ATAD1: variants seen among roughly 807,000 people sequenced by gnomAD.
The protein encoded by ATAD1 is outer mitochondrial transmembrane helix translocase.
In ATAD1, 18 loss-of-function variants were observed where a neutral mutation model predicts 42.7. The observed-to-expected ratio is 0.42, with a 90% CI of 0.29 to 0.63. The LOEUF is 0.63. Ranked by LOEUF, ATAD1 falls within the 20% of genes least tolerant of loss-of-function variation. The probability of loss-of-function intolerance (pLI) is 0.19; values close to 1 mark genes in which losing one functional copy is unlikely to be tolerated. For synonymous variants in ATAD1, 132 were observed against 143.1 expected (o/e 0.92, Z 0.55); for missense variants, 294 against 440.4 (o/e 0.67, Z 2.98).
chr10:87,806,531 T>C (rs1856933079), intron 2 of ATAD1, among the ~76,000 whole-genome samples: 2 of 152,184 alleles, frequency 1.3e-5, no homozygotes, highest in South Asian at 2.1e-4. Flanking sequence ...CTTAACCATA[T>C]GTTTGATTCC....
At chr10:87,812,886 C>T (rs1857251495) in intron 2 of ATAD1, among the ~76,000 whole-genome samples, 1 of 152,148 alleles carries the variant, frequency 6.6e-6, no homozygotes, top group Non-Finnish European at 1.5e-5. Context: ...AAGCCATCTT[C>T]AACTACCACA....
intron 7 of ATAD1, among the ~76,000 whole-genome samples, chr10:87,770,285 T>G (rs1424025203): frequency 6.6e-6 from 1 of 152,228 alleles, no homozygotes; most frequent in Non-Finnish European, 1.5e-5. Flanking sequence ...TATTTTCTAC[T>G]AGTAAAACCT....
rs116070328 is a variant in ATAD1, at chr10:87,785,729, T to A, written c.383-1059A>T. On this transcript the variant is annotated intron_variant, in intron 4 of 9. Transcript: ENST00000680024. Reference sequence around the variant, plus strand: ...GAAAATTCCCAAAAATATCTCAATTTAAAAAAAAAAAGAAATCTGCACCTG... The same window carrying A: ...GAAAATTCCCAAAAATATCTCAATTAAAAAAAAAAAAGAAATCTGCACCTG... Among the ~76,000 whole-genome samples, 882 of 145,378 alleles carry A rather than the reference T, an allele frequency of 6.1e-3. 7 individuals carry two copies. The highest frequency in any genetic ancestry group is 0.021 in the African/African-American group (843 of 39,884).
At position 87,753,362 on chromosome 10, in the gene ATAD1, A is replaced by G. The variant is rs1316729192; in HGVS notation, c.*1325T>C. 1 of 152,194 alleles carries G rather than the reference A, an allele frequency of 6.6e-6. No homozygotes were observed. The highest frequency in any genetic ancestry group is 1.5e-5 in the Non-Finnish European group (1 of 68,026). The allele number at this position is 152,194 out of a possible 1,614,324, so 9.4% of individuals were successfully genotyped here. A position where few individuals can be genotyped will look rare whatever the true frequency, so the allele number is the denominator to read the frequency against. On this transcript the variant is annotated 3_prime_UTR_variant, in exon 10 of 10. Coordinates refer to ENST00000680024, the MANE Select transcript of ATAD1 (RefSeq NM_001321967.2). ...CATTATCAGATAAATTAATCCAGTG[A>G]CACATGAATAAAGATTTAGAGTTTT...
chr10:87,811,947 TG>T (rs1857204077), intron 2 of ATAD1, among the ~76,000 whole-genome samples: 1 of 152,240 alleles, frequency 6.6e-6, no homozygotes, highest in African/African-American at 2.4e-5. Flanking sequence ...TATAAGTCTT[TG>T]AGGTATCCAG....
At position 87,752,692 on chromosome 10, in the gene ATAD1, A is replaced by G. The variant is rs1377308424; in HGVS notation, c.*1995T>C. 1.3e-5 allele frequency: 2 copies of G among 152,202 alleles called. No homozygotes were observed. The highest frequency in any genetic ancestry group is 2.9e-5 in the Non-Finnish European group (2 of 68,028). 9.4% of individuals were successfully genotyped at this position (152,202 alleles called of 1,614,324 possible). A position where few individuals can be genotyped will look rare whatever the true frequency, so the allele number is the denominator to read the frequency against. On this transcript the variant is annotated 3_prime_UTR_variant, in exon 10 of 10. Coordinates refer to ENST00000680024, the MANE Select transcript of ATAD1 (RefSeq NM_001321967.2). ...TCTAAAACAGAAGGATAGATGTTAC[A>G]TAACACTAAAAGTTATTTAAAAATC...
Position 87,814,757 on chromosome 10 carries a change from T to G in ATAD1, c.-13-145A>C, listed in dbSNP as rs1206425850. On this transcript the variant is annotated intron_variant, in intron 1 of 9. Coordinates refer to ENST00000680024, the MANE Select transcript of ATAD1 (RefSeq NM_001321967.2). ...CTACCTTAAAAAAAGTGTTTCATTT[T>G]AAGGAGAAATGGATTTTTAAATGTT... 6 of 558,104 alleles carry G rather than the reference T, an allele frequency of 1.1e-5. No individual in the cohort carries two copies. In the Admixed American group the frequency reaches 2.2e-4, roughly 20 times the overall value. The allele number at this position is 558,104 out of a possible 1,614,324, so 34.6% of individuals were successfully genotyped here.
intron 6 of ATAD1, among the ~76,000 whole-genome samples, chr10:87,771,575 T>C (rs1855032394): frequency 6.6e-6 from 1 of 152,160 alleles, no homozygotes; most frequent in Non-Finnish European, 1.5e-5. Context: ...CTCATGGTAC[T>C]ATCAGCACTG....
chr10:87,802,240 A>T (rs1247810177), intron 2 of ATAD1, among the ~76,000 whole-genome samples: 1 of 152,154 alleles, frequency 6.6e-6, no homozygotes, highest in African/African-American at 2.4e-5. Flanking sequence ...AAGGAATCAA[A>T]CTTGACTTAC....
chr10:87,780,008 G>T (rs569304413), intron 5 of ATAD1, among the ~76,000 whole-genome samples: 3 of 152,122 alleles, frequency 2.0e-5, no homozygotes, highest in Non-Finnish European at 2.9e-5. Flanking sequence ...TGTGTCCACA[G>T]GAAAACCTAC....
At chr10:87,775,318 G>A (rs894274022) in intron 6 of ATAD1, among the ~76,000 whole-genome samples, 3 of 150,520 alleles carry the variant, frequency 2.0e-5, no homozygotes, top group Non-Finnish European at 3.0e-5. Flanking sequence ...CTACTTGGGA[G>A]GCTGAAGCAG....
chr10:87,825,260 G>A (rs1857703760), intron 1 of ATAD1, among the ~76,000 whole-genome samples: 1 of 151,272 alleles, frequency 6.6e-6, no homozygotes, highest in Non-Finnish European at 1.5e-5. Context: ...CTTGAGATTT[G>A]AGAAGTCAAT....
intron 1 of ATAD1, among the ~76,000 whole-genome samples, chr10:87,826,600 C>T (rs1198967682): frequency 1.3e-5 from 2 of 152,206 alleles, no homozygotes; most frequent in Non-Finnish European, 2.9e-5. Context: ...TCTTGAACCT[C>T]TGGCTGGACC....
At chr10:87,822,291 A>G (rs927972492), upstream of ATAD1, among the ~76,000 whole-genome samples, 4 of 152,238 alleles carry the variant, frequency 2.6e-5, no homozygotes, top group Non-Finnish European at 4.4e-5. Flanking sequence ...TTTTTAAATC[A>G]TGTCTTCTGA....
chr10:87,787,771 A>C (rs1855906944), intron 4 of ATAD1, among the ~76,000 whole-genome samples: 1 of 152,236 alleles, frequency 6.6e-6, no homozygotes, highest in African/African-American at 2.4e-5. Context: ...GCAAAAATAC[A>C]CATCTATATA....
chr10:87,792,622 C>CAAAAAAAAAA, intron 3 of ATAD1, 35 bp downstream of exon 3: 3 of 1,355,194 alleles, frequency 2.2e-6, no homozygotes, highest in East Asian at 2.4e-5. Context: ...ACCCCCACCT[C>CAAAAAAAAAA]TAAAAAAATC....
chr10:87,801,254 T>C (rs1186032705), intron 2 of ATAD1, among the ~76,000 whole-genome samples: 4 of 152,220 alleles, frequency 2.6e-5, no homozygotes, highest in African/African-American at 9.6e-5. Context: ...ATGACTTATT[T>C]TACAATGACC....
chr10:87,805,331 T>C (rs12775017), intron 2 of ATAD1, among the ~76,000 whole-genome samples: 44,962 of 152,068 alleles, frequency 0.3, 6,873 homozygotes, highest in Non-Finnish European at 0.31. Flanking sequence ...GTCATTACTT[T>C]AATGATGTGC....
At chr10:87,791,900 C>T (rs1215191634) in intron 3 of ATAD1, among the ~76,000 whole-genome samples, 2 of 152,078 alleles carry the variant, frequency 1.3e-5, no homozygotes. Flanking sequence ...AATCATTTGC[C>T]AAGGCCATTA....
Sources: allele counts gnomAD v4.1 joint callset (sites outside exome capture counted in the v4.1 genomes callset), GRCh38; gene constraint gnomAD v4.1.1; transcripts MANE v1.5; gene names NCBI Gene and HGNC (gene_info 2026-07-23, HGNC 2026-07-21).